Variants in WASL observed in about 807,000 individuals in gnomAD.
The protein encoded by WASL is actin nucleation-promoting factor WASL.
Under a neutral mutation model 55.5 loss-of-function variants are expected in WASL, and 20 were observed. That is an observed-to-expected ratio of 0.36 (90% CI 0.25 to 0.52). The LOEUF (loss-of-function observed/expected upper bound fraction) is 0.52. WASL is among the 20% of genes least tolerant of loss of function. WASL has a pLI of 0.92. For synonymous variants in WASL, 249 were observed against 217.6 expected (o/e 1.14, Z -1.27); for missense variants, 504 against 622.5 (o/e 0.81, Z 2.03).
Position 123,692,797 on chromosome 7 carries a change from A to G in WASL, c.897T>C (p.Pro299=). The G allele has an allele frequency of 1.4e-6, 2 of 1,470,732 alleles. No homozygotes were observed. Among genetic ancestry groups the G allele is most frequent in the Non-Finnish European group, 1.8e-6 (2 of 1,111,020 alleles). 91.1% of individuals were successfully genotyped at this position (1,470,732 alleles called of 1,614,324 possible). A position where few individuals can be genotyped will look rare whatever the true frequency, so the allele number is the denominator to read the frequency against. The change falls in exon 9 of 11, where the codon CCT becomes CCC. Residue 299 remains proline (P), a synonymous_variant. Coordinates refer to ENST00000223023, the MANE Select transcript of WASL (RefSeq NM_003941.4). The part of the protein sequence containing the change: ...PPPPPPHNSG[P]PPPPARGRGA... ...CTCTTCCCCTAGCAGGAGGAGGAGGAGGACCTGAGTTGTGTGGAGGGGGAG... is the reference window on the plus strand; with the variant it reads ...CTCTTCCCCTAGCAGGAGGAGGAGGGGGACCTGAGTTGTGTGGAGGGGGAG...
intron 5 of WASL, among the ~76,000 whole-genome samples, 196 bp downstream of exon 5, chr7:123,704,438 A>C (rs917754168): frequency 4.6e-5 from 7 of 152,178 alleles, no homozygotes; most frequent in African/African-American, 1.7e-4. Flanking sequence ...GTCAATCATT[A>C]ATTAAAAATA....
chr7:123,700,990 T>G (rs1179553565), intron 5 of WASL, among the ~76,000 whole-genome samples: 3 of 152,192 alleles, frequency 2.0e-5, no homozygotes, highest in Non-Finnish European at 4.4e-5. Flanking sequence ...CTTTAGAGTT[T>G]GAAGATGTTA....
chr7:123,740,304 C>T (rs1804316897), intron 1 of WASL, among the ~76,000 whole-genome samples: 1 of 151,868 alleles, frequency 6.6e-6, no homozygotes, highest in Middle Eastern at 3.4e-3. Context: ...ATTATTTGGT[C>T]TCTTTAAAAA....
intron 1 of WASL, among the ~76,000 whole-genome samples, chr7:123,725,601 A>G (rs1804028755): frequency 2.0e-5 from 3 of 152,152 alleles, no homozygotes; most frequent in Admixed American, 1.3e-4. Context: ...TGATACTTGT[A>G]TCAGGCAGAG....
Position 123,683,254 on chromosome 7 carries a change from T to A in WASL, c.*1265A>T. On this transcript the variant is annotated 3_prime_UTR_variant, in exon 11 of 11. Transcript: ENST00000223023. ...AGTAGGTAGGTATGATAATTAGCAT[T>A]ATAAATATGAAACAACCACCTTTAG... 1 of 152,210 alleles carries A rather than the reference T, an allele frequency of 6.6e-6. No homozygotes were observed. Among genetic ancestry groups the A allele is most frequent in the Admixed American group, 6.5e-5 (1 of 15,276 alleles). The allele number at this position is 152,210 out of a possible 1,614,324, so 9.4% of individuals were successfully genotyped here.
At chr7:123,747,557 A>G (rs1458910098) in intron 1 of WASL, among the ~76,000 whole-genome samples, 2 of 152,176 alleles carry the variant, frequency 1.3e-5, no homozygotes, top group Non-Finnish European at 2.9e-5. Flanking sequence ...GGCATACCTA[A>G]TATTACTTAA....
Position 123,696,729 on chromosome 7 carries a change from G to T in WASL, c.479C>A (p.Ala160Asp), listed in dbSNP as rs1803498701. Residue 160 changes from alanine to aspartate, a missense_variant, in exon 6 of 11, where the codon GCT becomes GAT. Coordinates refer to ENST00000223023, the MANE Select transcript of WASL (RefSeq NM_003941.4). ...TTCTGGATTTTTTATATCAACTGTA[G>T]CCATGGGTAGATTAGGACCTGCAAA... ...DPPNGPNLPM[A>D]TVDIKNPEIT... is the part of the protein sequence containing the mutation. The T allele has an allele frequency of 6.3e-7, 1 of 1,586,684 alleles. No homozygotes were observed. The highest frequency in any genetic ancestry group is 8.6e-7 in the Non-Finnish European group (1 of 1,167,120).
chr7:123,731,243 T>C (rs1804131444), intron 1 of WASL, among the ~76,000 whole-genome samples: 1 of 151,768 alleles, frequency 6.6e-6, no homozygotes, highest in Non-Finnish European at 1.5e-5. Flanking sequence ...GATAAAAGGG[T>C]CAATTATACA....
intron 1 of WASL, among the ~76,000 whole-genome samples, chr7:123,745,608 G>A (rs1178071050): frequency 1.3e-5 from 2 of 152,114 alleles, no homozygotes; most frequent in Non-Finnish European, 2.9e-5. Context: ...TTCAAACTGT[G>A]ATATACTTTA....
rs764359535 is a variant in WASL, at chr7:123,692,572, G to A, written c.1122C>T (p.Pro374=). The A allele has an allele frequency of 1.2e-6, 2 of 1,612,512 alleles. No homozygotes were observed. The highest frequency in any genetic ancestry group is 1.7e-6 in the Non-Finnish European group (2 of 1,179,012). The part of the protein sequence containing the change: ...SVLGVGPVAP[P]PPPPPPPPPG... ...GAGGAGGTGGAGGTGGAGGCGGTGG[G>A]GGTGGTGCCACTGGCCCTACCCCCA... The change falls in exon 9 of 11, where the codon CCC becomes CCT. Residue 374 remains proline, a synonymous_variant. Transcript: ENST00000223023.
intron 5 of WASL, among the ~76,000 whole-genome samples, chr7:123,701,841 ATTCT>A (rs980538669): frequency 1.6e-4 from 25 of 152,054 alleles, no homozygotes; most frequent in African/African-American, 5.8e-4. Flanking sequence ...TATTTATTTC[ATTCT>A]TTGTGTATTA....
At chr7:123,714,706 T>C (rs1205152992) in intron 1 of WASL, among the ~76,000 whole-genome samples, 1 of 152,104 alleles carries the variant, frequency 6.6e-6, no homozygotes, top group Non-Finnish European at 1.5e-5. Flanking sequence ...AATACAAAAA[T>C]GAATTAGACA....
intron 1 of WASL, among the ~76,000 whole-genome samples, chr7:123,716,486 G>A (rs986672113): frequency 1.3e-4 from 20 of 151,890 alleles, no homozygotes; most frequent in African/African-American, 4.6e-4. Flanking sequence ...GAACTCAGGC[G>A]ATCTGCTTGC....
intron 1 of WASL, among the ~76,000 whole-genome samples, chr7:123,722,138 T>C (rs530681278): frequency 5.6e-4 from 85 of 152,212 alleles, no homozygotes; most frequent in Non-Finnish European, 1.1e-3. Context: ...AAATGTTGTC[T>C]CTCAAAGTCA....
At chr7:123,684,807 T>C (rs2116760666) in intron 10 of WASL, among the ~76,000 whole-genome samples, 1 of 152,146 alleles carries the variant, frequency 6.6e-6, no homozygotes, top group Non-Finnish European at 1.5e-5. Context: ...TCTAGTTCCT[T>C]AATATCTATG....
chr7:123,686,867 C>G (rs1803300579), intron 10 of WASL, among the ~76,000 whole-genome samples: 1 of 152,146 alleles, frequency 6.6e-6, no homozygotes, highest in Non-Finnish European at 1.5e-5. Flanking sequence ...CTAAAGAAGA[C>G]TATACCATAA....
At chr7:123,700,846 T>C (rs1054443504) in intron 5 of WASL, among the ~76,000 whole-genome samples, 6 of 152,238 alleles carry the variant, frequency 3.9e-5, no homozygotes, top group African/African-American at 1.4e-4. Context: ...ATTTTTCAGT[T>C]TTCTTGGTCT....
At chr7:123,690,296 G>A (rs946560280) in intron 9 of WASL, among the ~76,000 whole-genome samples, 1 of 152,054 alleles carries the variant, frequency 6.6e-6, no homozygotes. Flanking sequence ...CTAAAACCAT[G>A]GAATTCAAAA....
chr7:123,691,059 TA>T (rs1803400600), intron 9 of WASL, among the ~76,000 whole-genome samples: 1 of 152,242 alleles, frequency 6.6e-6, no homozygotes, highest in African/African-American at 2.4e-5. Context: ...AGATATATTT[TA>T]AAGATCAGAG....
Sources: gnomAD v4.1 joint callset for allele counts (sites outside exome capture counted in the v4.1 genomes callset) on GRCh38, gnomAD v4.1.1 for gene constraint, MANE v1.5 for transcripts, NCBI Gene and HGNC (gene_info 2026-07-23, HGNC 2026-07-21) for gene names.